Variants in ARMCX4 observed in about 807,000 individuals in gnomAD.
ARMCX4 encodes armadillo repeat-containing X-linked protein 4.
ARMCX4 carries 3 observed loss-of-function variants against 34.7 expected under a neutral mutation model. The observed-to-expected ratio is 0.09, with a 90% CI of 0.04 to 0.22. ARMCX4 has a LOEUF of 0.22. Ranked by LOEUF, ARMCX4 falls within the 10% of genes least tolerant of loss-of-function variation. The pLI is 1.00. For missense variants in ARMCX4, 1,448 were observed against 1,720.8 expected, an observed-to-expected ratio of 0.84 and a Z score of 2.81; for synonymous variants, 513 against 632.8, an observed-to-expected ratio of 0.81 and a Z score of 2.84.
chrX:101,492,702 G>A lies in ARMCX4; in HGVS notation c.4113G>A (p.Gln1371=), dbSNP rs1934032629. Residue 1371 remains glutamine, a synonymous_variant, in exon 6 of 6, where the codon CAG becomes CAA. Coordinates refer to ENST00000423738, the MANE Select transcript of ARMCX4 (RefSeq NM_001256155.3). The part of the protein sequence containing the change: ...SGGSRLGHVD[Q]SSGGAWAGTL... ...GGTCTAGGCTGGGCCACGTAGATCAGTCCAGTGGTGGGGCCTGGGCTGGGA... is the reference window on the plus strand; with the variant it reads ...GGTCTAGGCTGGGCCACGTAGATCAATCCAGTGGTGGGGCCTGGGCTGGGA... 1 of 1,128,491 alleles carries A rather than the reference G, an allele frequency of 8.9e-7. No individual in the cohort carries two copies. Among genetic ancestry groups the A allele is most frequent in the Non-Finnish European group, 1.2e-6 (1 of 856,531 alleles). 93.0% of individuals were successfully genotyped at this position (1,128,491 alleles called of 1,213,427 possible).
chrX:101,440,334 G>A (rs999425122), intron 2 of ARMCX4, among the ~76,000 whole-genome samples: 5 of 111,592 alleles, frequency 4.5e-5, no homozygotes. Flanking sequence ...TCGTTCCTCT[G>A]GAAGTTTTAT....
At chrX:101,458,943 G>A (rs1188957491) in intron 4 of ARMCX4, among the ~76,000 whole-genome samples, 1 of 111,990 alleles carries the variant, frequency 8.9e-6, no homozygotes, top group East Asian at 2.8e-4. Context: ...ATGTGTTCCT[G>A]GAGCTACTAA....
At chrX:101,484,488 T>A (rs143213364), upstream of ARMCX4, among the ~76,000 whole-genome samples, 6 of 112,001 alleles carry the variant, frequency 5.4e-5, no homozygotes, top group Non-Finnish European at 9.4e-5. Context: ...AAGTCACTAG[T>A]AAAGCACTAG....
chrX:101,452,539 GTTTGTTTTTGTT>G (rs1251237623), downstream of ARMCX4, among the ~76,000 whole-genome samples: 15 of 111,056 alleles, frequency 1.4e-4, no homozygotes, highest in South Asian at 1.1e-3. Context: ...TTTTTGGTTT[GTTTGTTTTTGTT>G]TTTGTTTTTG....
chrX:101,479,304 CCACACACACACACACACACACACACA>C (rs34549014), intron 4 of ARMCX4, among the ~76,000 whole-genome samples: 6 of 78,195 alleles, frequency 7.7e-5, no homozygotes, highest in Admixed American at 3.0e-4. Context: ...ATAAAGAAAA[CCACACACACACACACACACACACACA>C]CACACACACA....
chrX:101,442,914 C>T (rs1379726870), intron 2 of ARMCX4, among the ~76,000 whole-genome samples: 6 of 110,647 alleles, frequency 5.4e-5, no homozygotes, highest in South Asian at 3.8e-4. Flanking sequence ...GGGCGGATCA[C>T]GAGGTCAGGA....
At chrX:101,433,934 G>C (rs1930492466) in intron 2 of ARMCX4, among the ~76,000 whole-genome samples, 1 of 109,958 alleles carries the variant, frequency 9.1e-6, no homozygotes, top group Admixed American at 9.8e-5. Context: ...AAGATATCTT[G>C]GGTGGTTATC....
At chrX:101,454,678 C>A (rs145447842) in intron 4 of ARMCX4, among the ~76,000 whole-genome samples, 174 of 111,431 alleles carry the variant, frequency 1.6e-3, no homozygotes, top group Middle Eastern at 4.6e-3. Flanking sequence ...TCAGGCCAAG[C>A]TGACTCTAAG....
chrX:101,494,576 G>A lies in ARMCX4; in HGVS notation c.5987G>A (p.Trp1996Ter). The change falls in exon 6 of 6, where the codon TGG becomes TAG. Residue 1996 changes from tryptophan (W) to a stop codon, truncating the protein, a stop_gained. Coordinates refer to ENST00000423738, the MANE Select transcript of ARMCX4 (RefSeq NM_001256155.3). LOFTEE classifies it high-confidence loss of function. ...GGGTCATGGGATGGAGCCATGATCT[G>A]GTCGGAAACTAAGTTTGCACACCAA... is the stretch of plus-strand genomic sequence containing the variant. ...GMGSWDGAMI[W>*]SETKFAHQSE... The A allele has an allele frequency of 8.7e-7, 1 of 1,155,324 alleles. No homozygotes were observed. The highest frequency in any genetic ancestry group is 1.1e-6 in the Non-Finnish European group (1 of 872,486).
intron 4 of ARMCX4, among the ~76,000 whole-genome samples, chrX:101,475,778 A>T (rs1556004119): frequency 1.8e-5 from 2 of 111,751 alleles, no homozygotes; most frequent in Admixed American, 9.5e-5. Flanking sequence ...CTTATTATTA[A>T]GTCTGGTTAT....
intron 2 of ARMCX4, among the ~76,000 whole-genome samples, chrX:101,427,094 A>G (rs1929668079): frequency 1.8e-5 from 2 of 111,667 alleles, no homozygotes; most frequent in Non-Finnish European, 3.8e-5. Flanking sequence ...CCAATTTTCT[A>G]TAGAGAGTAC....
intron 8 of ARMCX4, among the ~76,000 whole-genome samples, chrX:101,509,114 C>T (rs900688802): frequency 8.9e-6 from 1 of 111,818 alleles, no homozygotes; most frequent in African/African-American, 3.2e-5. Context: ...TGTAAATATT[C>T]TTCCATTATG....
downstream of ARMCX4, among the ~76,000 whole-genome samples, chrX:101,497,303 C>T (rs1303508949): frequency 9.1e-6 from 1 of 109,721 alleles, no homozygotes; most frequent in Non-Finnish European, 1.9e-5. Flanking sequence ...ATGGCACGGT[C>T]TGGGCTCACT....
At chrX:101,497,572 T>A (rs1452216620), downstream of ARMCX4, among the ~76,000 whole-genome samples, 1 of 111,680 alleles carries the variant, frequency 9.0e-6, no homozygotes, top group African/African-American at 3.3e-5. Context: ...TTTATGATAT[T>A]TATATAAGAA....
Position 101,513,611 on chromosome X carries a change from A to C in ARMCX4, c.*1780+2556A>C, listed in dbSNP as rs1049910105. On this transcript the variant is annotated intron_variant and NMD_transcript_variant, in intron 11 of 12. Coordinates refer to the ARMCX4 transcript ENST00000354842. The stretch of plus-strand genomic sequence containing the variant: ...CAAACAAACATAATGAAATGAGGAA[A>C]AAATACACATGACAATTACAGTCCT... 3.6e-5 allele frequency among the ~76,000 whole-genome samples: 4 copies of C among 112,061 alleles called. 1 individual carries two copies. The East Asian group carries it at 1.1e-3, about 31-fold the overall frequency.
At chrX:101,437,730 G>A (rs1930902066) in intron 2 of ARMCX4, among the ~76,000 whole-genome samples, 1 of 111,326 alleles carries the variant, frequency 9.0e-6, no homozygotes, top group African/African-American at 3.3e-5. Context: ...TCTTTTAATT[G>A]TGATGTTAGG....
At chrX:101,535,131 A>G (rs1225707629), downstream of ARMCX4, among the ~76,000 whole-genome samples, 1 of 111,361 alleles carries the variant, frequency 9.0e-6, no homozygotes, top group Non-Finnish European at 1.9e-5. Flanking sequence ...GGCTGGTGGG[A>G]AGGTAGACAC....
chrX:101,493,428 G>C lies in ARMCX4; in HGVS notation c.4839G>C (p.Val1613=). ...DQSSGIGSWG[V]AGGQVLGGAR... Reference sequence around the variant, plus strand: ...CCAGTGGAATAGGTTCCTGGGGTGTGGCTGGTGGCCAGGTCCTTGGGGGAG... The same window carrying C: ...CCAGTGGAATAGGTTCCTGGGGTGTCGCTGGTGGCCAGGTCCTTGGGGGAG... The change falls in exon 6 of 6, where the codon GTG becomes GTC. Residue 1613 remains valine (V), a synonymous_variant. Coordinates refer to ENST00000423738, the MANE Select transcript of ARMCX4 (RefSeq NM_001256155.3). 1 of 1,154,668 alleles carries C rather than the reference G, an allele frequency of 8.7e-7. No individual in the cohort carries two copies. The highest frequency in any genetic ancestry group is 1.1e-6 in the Non-Finnish European group (1 of 872,482).
Position 101,456,482 on chromosome X carries a change from G to A in ARMCX4, c.-473+10438G>A, listed in dbSNP as rs1377186408. The stretch of plus-strand genomic sequence containing the variant: ...TAGGTGTCTTCTTTTGAGAAGTATC[G>A]TTCATGTCCTTTGCCCATTTTTAAT... On this transcript the variant is annotated intron_variant and NMD_transcript_variant, in intron 4 of 15. Coordinates refer to the ARMCX4 transcript ENST00000433011. Among the ~76,000 whole-genome samples, 6 of 111,142 alleles carry A rather than the reference G, an allele frequency of 5.4e-5. No homozygotes were observed. In the East Asian group the frequency reaches 1.4e-3, roughly 26 times the overall value.
Sources: gnomAD v4.1 joint callset for allele counts (sites outside exome capture counted in the v4.1 genomes callset) on GRCh38, gnomAD v4.1.1 for gene constraint, MANE v1.5 for transcripts, NCBI Gene and HGNC (gene_info 2026-07-23, HGNC 2026-07-21) for gene names.